GPAT3: variants seen among roughly 807,000 people sequenced by gnomAD.
GPAT3 encodes the protein 1-AGP acyltransferase 9.
A neutral mutation model predicts 58.8 loss-of-function variants in GPAT3; 53 were observed. That is an observed-to-expected ratio of 0.90 (90% confidence interval 0.72 to 1.13). The LOEUF is 1.13. Ranked by LOEUF, GPAT3 falls within the 50% of genes most tolerant of loss-of-function variation. The pLI, the probability that GPAT3 is intolerant of heterozygous loss-of-function variation, is 0.00. For synonymous variants in GPAT3, 197 were observed against 187.4 expected, an observed-to-expected ratio of 1.05 and a Z score of -0.42; for missense variants, 511 against 527.6, an observed-to-expected ratio of 0.97 and a Z score of 0.31.
At chr4:83,600,122 C>T (rs1727001988) in intron 11 of GPAT3, among the ~76,000 whole-genome samples, 1 of 152,100 alleles carries the variant, frequency 6.6e-6, no homozygotes, top group East Asian at 1.9e-4. Flanking sequence ...GTGGCTTAAA[C>T]AACAGTTTTA....
chr4:83,598,324 T>A, intron 10 of GPAT3, 145 bp downstream of exon 10: 1 of 1,091,828 alleles, frequency 9.2e-7, no homozygotes, highest in Non-Finnish European at 1.3e-6. Context: ...TAGCTCACTT[T>A]AAATCAGACC....
intron 3 of GPAT3, among the ~76,000 whole-genome samples, chr4:83,583,147 T>C (rs1027704856): frequency 2.6e-5 from 4 of 151,558 alleles, no homozygotes; most frequent in African/African-American, 2.4e-5. Context: ...AATACAAAAA[T>C]TAACTGGGCG....
intron 3 of GPAT3, among the ~76,000 whole-genome samples, chr4:83,585,831 C>G (rs567867345): frequency 6.8e-4 from 103 of 152,324 alleles, no homozygotes; most frequent in African/African-American, 2.4e-3. Flanking sequence ...AAGTGATCCA[C>G]TCGCCTGGGC....
At chr4:83,583,979 A>AAAC (rs940696195) in intron 3 of GPAT3, among the ~76,000 whole-genome samples, 2 of 152,224 alleles carry the variant, frequency 1.3e-5, no homozygotes, top group Admixed American at 6.5e-5. Context: ...CAAAAAAAAT[A>AAAC]AACAACAACA....
At chr4:83,535,617 A>AT, upstream of GPAT3, 1 of 755,998 alleles carries the variant, frequency 1.3e-6, no homozygotes, top group Middle Eastern at 7.0e-4. Flanking sequence ...GGAGTGACAG[A>AT]TACTTAGCCG....
intron 2 of GPAT3, among the ~76,000 whole-genome samples, chr4:83,570,471 C>CTTTTTT (rs11417042): frequency 1.6e-5 from 2 of 126,668 alleles, no homozygotes; most frequent in African/African-American, 6.2e-5. Context: ...TGGGAGAACT[C>CTTTTTT]TTTTTTTTTT....
chr4:83,588,073 A>T lies in GPAT3; in HGVS notation c.555-137A>T, dbSNP rs6856898. On this transcript the variant is annotated intron_variant, in intron 4 of 11. Transcript: ENST00000264409. ...TGAGACTATAACAATTGACTATAAG[A>T]CTATAAGAATTGAACTGTACCTGTT... 7.6e-3 allele frequency: 5,003 copies of T among 661,414 alleles called. 183 individuals are homozygous for T. The African/African-American group carries it at 0.081, about 11-fold the overall frequency. The allele number at this position is 661,414 out of a possible 1,614,324, so 41.0% of individuals were successfully genotyped here.
At chr4:83,601,271 A>G (rs987768225) in intron 11 of GPAT3, among the ~76,000 whole-genome samples, 2 of 152,334 alleles carry the variant, frequency 1.3e-5, no homozygotes, top group East Asian at 3.9e-4. Context: ...AGTTTCTAAG[A>G]ACCTATCAAC....
At position 83,577,010 on chromosome 4, in the gene GPAT3, T is replaced by G. The variant is rs113406355; in HGVS notation, c.209-4552T>G. 5.3e-3 allele frequency among the ~76,000 whole-genome samples: 802 copies of G among 152,294 alleles called. 7 individuals are homozygous for G. The highest frequency in any genetic ancestry group is 0.018 in the African/African-American group (758 of 41,566). ...GGAAGCACCACTTTCAGCCAAGTGA[T>G]CAAAGCCACACATCACCAGTCATGA... On this transcript the variant is annotated intron_variant, in intron 2 of 11. Transcript: ENST00000264409.
Position 83,581,812 on chromosome 4 carries a change from T to G in GPAT3, c.459T>G (p.Tyr153Ter). Residue 153 changes from tyrosine to a stop codon, truncating the protein, a stop_gained, in exon 3 of 12, where the codon TAT (tyrosine) becomes TAG (stop). Transcript: ENST00000264409. LOFTEE classifies it high-confidence loss of function. ...GGGTGCTGGGCGTCATAGTGCGCTA[T>G]TGTGTCCTACTGCCTCTGAGGTAAG... ...MVWVLGVIVRYCVLLPLRVTL... is the reference protein window; with the variant it reads ...MVWVLGVIVR The G allele has an allele frequency of 1.9e-6, 3 of 1,612,554 alleles. No individual in the cohort carries two copies.
chr4:83,561,988 C>T (rs185167609), intron 2 of GPAT3, among the ~76,000 whole-genome samples: 77 of 150,190 alleles, frequency 5.1e-4, no homozygotes, highest in African/African-American at 1.8e-3. Flanking sequence ...TAAGACAACG[C>T]CTTATGTGAT....
rs185813917 is a variant in GPAT3 at position 83,605,044 on chromosome 4, A to T, written c.*277A>T. ...GGCATCACTGTGGACTGAATGAAATATTTGTATAGAAAAAAGTGCTTGAAA... is the reference window on the plus strand; with the variant it reads ...GGCATCACTGTGGACTGAATGAAATTTTTGTATAGAAAAAAGTGCTTGAAA... On this transcript the variant is annotated 3_prime_UTR_variant, in exon 12 of 12. Coordinates refer to ENST00000264409, the MANE Select transcript of GPAT3 (RefSeq NM_032717.5). 351 of 248,330 alleles carry T rather than the reference A, an allele frequency of 1.4e-3. 2 individuals are homozygous for T. The highest frequency in any genetic ancestry group is 7.6e-3 in the African/African-American group (335 of 44,334). The allele number at this position is 248,330 out of a possible 1,614,324, so 15.4% of individuals were successfully genotyped here.
At chr4:83,561,483 C>T (rs1010968540) in intron 2 of GPAT3, among the ~76,000 whole-genome samples, 1 of 151,914 alleles carries the variant, frequency 6.6e-6, no homozygotes, top group African/African-American at 2.4e-5. Context: ...TGGCACAAAC[C>T]TGCTAAAATA....
intron 1 of GPAT3, among the ~76,000 whole-genome samples, chr4:83,543,833 G>A (rs1202830627): frequency 6.6e-6 from 1 of 152,148 alleles, no homozygotes; most frequent in South Asian, 2.1e-4. Context: ...TAGAGATGGG[G>A]TTTCGCCATG....
intron 1 of GPAT3, among the ~76,000 whole-genome samples, chr4:83,544,185 G>A (rs1724416688): frequency 6.6e-6 from 1 of 152,178 alleles, no homozygotes; most frequent in Admixed American, 6.5e-5. Context: ...GGCCTATAGG[G>A]AATAAGTAAT....
intron 1 of GPAT3, among the ~76,000 whole-genome samples, chr4:83,539,079 C>T (rs969164103): frequency 1.3e-5 from 2 of 152,182 alleles, no homozygotes; most frequent in African/African-American, 4.8e-5. Flanking sequence ...AACAGTAACC[C>T]AGGATCCTCT....
chr4:83,591,469 G>A (rs1256270770), intron 6 of GPAT3, among the ~76,000 whole-genome samples: 2 of 152,130 alleles, frequency 1.3e-5, no homozygotes, highest in African/African-American at 4.8e-5. Flanking sequence ...AAAGACTTAT[G>A]AGAATTGGTA....
rs79149035 is a variant in GPAT3 at position 83,596,843 on chromosome 4, T to C, written c.855-15T>C. ...CTTTATAAAGGCAGAATTTTGATCCTTTTTTTTTCCATAGACTAAAAGAAC... is the reference window on the plus strand; with the variant it reads ...CTTTATAAAGGCAGAATTTTGATCCCTTTTTTTTCCATAGACTAAAAGAAC... On this transcript the variant is annotated splice_polypyrimidine_tract_variant and intron_variant, in intron 7 of 11. Coordinates refer to ENST00000264409, the MANE Select transcript of GPAT3 (RefSeq NM_032717.5). The C allele has an allele frequency of 3.2e-6, 5 of 1,571,950 alleles. No individual in the cohort carries two copies. In the Admixed American group the frequency reaches 7.0e-5, roughly 22 times the overall value.
chr4:83,564,487 C>T (rs564277047), intron 2 of GPAT3, among the ~76,000 whole-genome samples: 175 of 152,094 alleles, frequency 1.2e-3, no homozygotes, highest in Middle Eastern at 3.4e-3. Context: ...TAGCTAGACC[C>T]CAGGAGTTCA....
Sources: allele counts gnomAD v4.1 joint callset (sites outside exome capture counted in the v4.1 genomes callset), GRCh38; gene constraint gnomAD v4.1.1; transcripts MANE v1.5; gene names NCBI Gene and HGNC (gene_info 2026-07-23, HGNC 2026-07-21).